Variants in CAMK2D observed in about 807,000 individuals in gnomAD.
The protein encoded by CAMK2D is calcium/calmodulin-dependent protein kinase type II subunit delta.
A neutral mutation model predicts 84.0 loss-of-function variants in CAMK2D; 37 were observed. The observed-to-expected ratio is 0.44, with a 90% CI of 0.34 to 0.58. The LOEUF is 0.58. Among genes scored for constraint, CAMK2D ranks in the 20% least tolerant of loss-of-function variants. The pLI, the probability that CAMK2D is intolerant of heterozygous loss-of-function variation, is 0.02. For missense variants in CAMK2D, 448 were observed against 652.5 expected (o/e 0.69, Z 3.41); for synonymous variants, 202 against 212.5 (o/e 0.95, Z 0.43).
At position 113,664,845 on chromosome 4, in the gene CAMK2D, C is replaced by T. The variant is rs576553399; in HGVS notation, c.161-3073G>A. ...TGAGACAGAGTTTTGCTCTTGTCAA[C>T]CAGGCAGGAGTGCAATGGCACAATC... On this transcript the variant is annotated intron_variant, in intron 2 of 20. Coordinates refer to ENST00000511664, the MANE Select transcript of CAMK2D (RefSeq NM_001321571.2). Among the ~76,000 whole-genome samples the T allele has an allele frequency of 7.3e-5, 11 of 150,050 alleles. No individual in the cohort carries two copies. In the South Asian group the frequency reaches 2.3e-3, roughly 32 times the overall value.
chr4:113,738,774 G>A (rs933395245), intron 2 of CAMK2D, among the ~76,000 whole-genome samples: 7 of 151,992 alleles, frequency 4.6e-5, no homozygotes, highest in African/African-American at 1.7e-4. Flanking sequence ...AATTTTGGGG[G>A]AAGAGTCAAC....
intron 2 of CAMK2D, among the ~76,000 whole-genome samples, chr4:113,672,670 C>A (rs746464400): frequency 1.3e-5 from 2 of 151,248 alleles, no homozygotes; most frequent in African/African-American, 2.4e-5. Flanking sequence ...TATTTTAATT[C>A]TATTAATTGA....
At chr4:113,474,654 T>A (rs1282700337) in intron 16 of CAMK2D, among the ~76,000 whole-genome samples, 1 of 151,998 alleles carries the variant, frequency 6.6e-6, no homozygotes, top group African/African-American at 2.4e-5. Flanking sequence ...TATTTATTTG[T>A]TTATTTTTTG....
intron 4 of CAMK2D, among the ~76,000 whole-genome samples, chr4:113,578,707 T>C (rs1591479415): frequency 6.6e-6 from 1 of 152,144 alleles, no homozygotes; most frequent in African/African-American, 2.4e-5. Flanking sequence ...AATACATAGA[T>C]GTAGCCAAAG....
chr4:113,536,103 T>G (rs2098488289), intron 7 of CAMK2D, among the ~76,000 whole-genome samples: 1 of 152,218 alleles, frequency 6.6e-6, no homozygotes, highest in Admixed American at 6.5e-5. Context: ...CTACCTTCGT[T>G]CAGTTTGCAG....
chr4:113,459,356 C>A (rs903756325), intron 18 of CAMK2D, among the ~76,000 whole-genome samples: 1 of 151,700 alleles, frequency 6.6e-6, no homozygotes, highest in African/African-American at 2.4e-5. Flanking sequence ...GTAGCTGGGA[C>A]TATAGGTGCT....
At chr4:113,626,456 T>C (rs948654328) in intron 3 of CAMK2D, among the ~76,000 whole-genome samples, 3 of 152,220 alleles carry the variant, frequency 2.0e-5, no homozygotes, top group African/African-American at 7.2e-5. Flanking sequence ...GAAATTGTTA[T>C]TAAACATTTG....
At chr4:113,736,132 T>TAAA (rs5861147) in intron 2 of CAMK2D, among the ~76,000 whole-genome samples, 3 of 145,910 alleles carry the variant, frequency 2.1e-5, no homozygotes, top group African/African-American at 5.0e-5. Flanking sequence ...CTAGTAGAAT[T>TAAA]AAAAAAAAAA....
At chr4:113,534,077 T>G (rs2154185254) in intron 7 of CAMK2D, among the ~76,000 whole-genome samples, 1 of 152,246 alleles carries the variant, frequency 6.6e-6, no homozygotes, top group African/African-American at 2.4e-5. Flanking sequence ...TCCTGCTCTT[T>G]ATCAAAATTA....
intron 16 of CAMK2D, among the ~76,000 whole-genome samples, chr4:113,484,240 A>G (rs1412152979): frequency 1.3e-5 from 2 of 152,142 alleles, no homozygotes; most frequent in Non-Finnish European, 2.9e-5. Context: ...TAGTAACCCA[A>G]TGTCTAATTC....
chr4:113,481,340 C>A (rs1429285788), intron 16 of CAMK2D, among the ~76,000 whole-genome samples: 1 of 152,050 alleles, frequency 6.6e-6, no homozygotes, highest in Non-Finnish European at 1.5e-5. Flanking sequence ...AGACAAAAAT[C>A]TCTGCTCTAC....
At chr4:113,597,174 T>G (rs2098931120) in intron 4 of CAMK2D, among the ~76,000 whole-genome samples, 1 of 152,226 alleles carries the variant, frequency 6.6e-6, no homozygotes, top group South Asian at 2.1e-4. Flanking sequence ...AAAGTCATCA[T>G]ATGCATTAAT....
chr4:113,593,381 A>G (rs2098903153), intron 4 of CAMK2D, among the ~76,000 whole-genome samples: 1 of 152,206 alleles, frequency 6.6e-6, no homozygotes, highest in Non-Finnish European at 1.5e-5. Flanking sequence ...AATTTATCAG[A>G]GCAGAAATCC....
intron 9 of CAMK2D, 144 bp downstream of exon 9, chr4:113,517,419 T>G (rs1235677415): frequency 2.3e-6 from 1 of 437,414 alleles, no homozygotes; most frequent in Non-Finnish European, 4.1e-6. Flanking sequence ...GCTGCATTTC[T>G]TTCTCCCTTT....
intron 3 of CAMK2D, among the ~76,000 whole-genome samples, chr4:113,645,205 A>G (rs1194451759): frequency 1.3e-5 from 2 of 151,932 alleles, no homozygotes; most frequent in Non-Finnish European, 2.9e-5. Context: ...TTTAGTAGAG[A>G]CAGGGTTTCA....
chr4:113,657,329 T>C (rs1253981560), intron 3 of CAMK2D, among the ~76,000 whole-genome samples: 1 of 152,112 alleles, frequency 6.6e-6, no homozygotes, highest in Admixed American at 6.6e-5. Context: ...GTTTATACAC[T>C]AGGATGCAAA....
At chr4:113,523,469 C>T (rs114429297) in intron 8 of CAMK2D, among the ~76,000 whole-genome samples, 5,517 of 151,958 alleles carry the variant, frequency 0.036, 354 homozygotes, top group African/African-American at 0.12. Flanking sequence ...AAAAAGGTCC[C>T]GCACAGTGAC....
In CAMK2D at chr4:113,609,203, C is replaced by A; in HGVS notation, c.224G>T (p.Arg75Leu). ...CTCTTCTGATATGCTATCATGAAGT[C>A]GCACTAGAAAAAAATAAGAGAAGAA... ...CRLLKHPNIV[R>L]LHDSISEEGF... The change falls in exon 4 of 21, where the codon CGA (arginine) becomes CTA (leucine). Residue 75 changes from arginine to leucine, a missense_variant. Arg to Leu is a moderately radical substitution (Grantham distance 102, BLOSUM62 -2). Coordinates refer to ENST00000511664, the MANE Select transcript of CAMK2D (RefSeq NM_001321571.2). 1 of 1,572,350 alleles carries A rather than the reference C, an allele frequency of 6.4e-7. No homozygotes were observed. The highest frequency in any genetic ancestry group is 1.1e-5 in the South Asian group (1 of 90,086).
chr4:113,553,186 T>C (rs1311005652), intron 4 of CAMK2D, among the ~76,000 whole-genome samples: 3 of 152,152 alleles, frequency 2.0e-5, no homozygotes, highest in Non-Finnish European at 4.4e-5. Flanking sequence ...TCCCAGTTTA[T>C]TGATGAGAAA....
Sources: allele counts gnomAD v4.1 joint callset (sites outside exome capture counted in the v4.1 genomes callset), GRCh38; gene constraint gnomAD v4.1.1; transcripts MANE v1.5; gene names NCBI Gene and HGNC (gene_info 2026-07-23, HGNC 2026-07-21).